ICA1: variants seen among roughly 807,000 people sequenced by gnomAD.
ICA1 encodes islet cell autoantigen 1.
In ICA1, 40 loss-of-function variants were observed where a neutral mutation model predicts 71.0. The observed-to-expected ratio is 0.56, with a 90% CI of 0.44 to 0.73. The LOEUF (loss-of-function observed/expected upper bound fraction) is 0.73, where lower values mean the gene tolerates loss of function less well. ICA1 is among the 30% of genes least tolerant of loss of function. The pLI, the probability that ICA1 is intolerant of heterozygous loss-of-function variation, is 0.00. For synonymous variants in ICA1, 207 were observed against 209.5 expected, an observed-to-expected ratio of 0.99 and a Z score of 0.10; for missense variants, 578 against 576.5, an observed-to-expected ratio of 1.00 and a Z score of -0.03.
At chr7:8,260,438 C>G (rs1317055903) in intron 1 of ICA1, among the ~76,000 whole-genome samples, 3 of 152,132 alleles carry the variant, frequency 2.0e-5, no homozygotes, top group African/African-American at 7.2e-5. Context: ...GTATCTTTAG[C>G]ACTCAATGAT....
intron 13 of ICA1, among the ~76,000 whole-genome samples, chr7:8,115,224 C>G (rs972128329): frequency 6.6e-6 from 1 of 152,082 alleles, no homozygotes; most frequent in Non-Finnish European, 1.5e-5. Context: ...TATATCAAGA[C>G]TAGTGGGTAA....
intron 6 of ICA1, among the ~76,000 whole-genome samples, chr7:8,194,118 C>T (rs1786598349): frequency 6.6e-6 from 1 of 152,110 alleles, no homozygotes; most frequent in Non-Finnish European, 1.5e-5. Context: ...ATATTTCATG[C>T]CTGGAACAGA....
chr7:8,212,906 C>T (rs912971540), intron 6 of ICA1, among the ~76,000 whole-genome samples: 2 of 152,226 alleles, frequency 1.3e-5, no homozygotes, highest in African/African-American at 4.8e-5. Context: ...ATGAGGCTTT[C>T]ATCCAAAGCC....
At chr7:8,137,170 A>T (rs1208646396) in intron 12 of ICA1, among the ~76,000 whole-genome samples, 1 of 152,116 alleles carries the variant, frequency 6.6e-6, no homozygotes, top group African/African-American at 2.4e-5. Context: ...GGGGTTAAGG[A>T]AGAGGAATGA....
At chr7:8,141,227 G>A (rs968347484) in intron 10 of ICA1, among the ~76,000 whole-genome samples, 6 of 152,162 alleles carry the variant, frequency 3.9e-5, no homozygotes, top group East Asian at 3.8e-4. Context: ...ATCTCCCAAC[G>A]CTCTGACCCC....
At chr7:8,126,505 C>T (rs1328472967) in intron 13 of ICA1, among the ~76,000 whole-genome samples, 1 of 151,610 alleles carries the variant, frequency 6.6e-6, no homozygotes, top group Admixed American at 6.6e-5. Context: ...ATAAGACTCC[C>T]AAAGGAAGAT....
chr7:8,240,039 G>A (rs1803240589), intron 1 of ICA1, among the ~76,000 whole-genome samples: 1 of 152,196 alleles, frequency 6.6e-6, no homozygotes, highest in Non-Finnish European at 1.5e-5. Flanking sequence ...GCTCTGAAGA[G>A]AGCAGTGGTT....
intron 6 of ICA1, among the ~76,000 whole-genome samples, chr7:8,178,053 TTC>T (rs1268662763): frequency 1.3e-5 from 2 of 152,242 alleles, no homozygotes; most frequent in East Asian, 3.8e-4. Flanking sequence ...CATCTTTGGC[TTC>T]TTTCACATTC....
intron 4 of ICA1, chr7:8,227,805 C>G (rs761908285): frequency 4.6e-6 from 2 of 434,974 alleles, no homozygotes; most frequent in South Asian, 3.3e-5. Flanking sequence ...AGGCTGGTCT[C>G]AAACTCCTGG....
At chr7:8,195,478 G>A (rs1380978171) in intron 6 of ICA1, among the ~76,000 whole-genome samples, 2 of 152,024 alleles carry the variant, frequency 1.3e-5, no homozygotes, top group African/African-American at 4.8e-5. Flanking sequence ...GGAGGCAGAG[G>A]TTGTAGTGAG....
intron 8 of ICA1, among the ~76,000 whole-genome samples, chr7:8,147,687 A>AAC (rs71014764): frequency 0.015 from 2,248 of 145,362 alleles, 42 homozygotes; most frequent in African/African-American, 0.044. Flanking sequence ...AGCCAAGGGG[A>AAC]ACACACACAC....
chr7:8,198,178 A>G (rs1052579246), intron 6 of ICA1, among the ~76,000 whole-genome samples: 2 of 152,204 alleles, frequency 1.3e-5, no homozygotes, highest in African/African-American at 4.8e-5. Context: ...ACATCCACCC[A>G]TCCTGCGCTG....
chr7:8,153,185 T>C (rs67040045), intron 8 of ICA1, among the ~76,000 whole-genome samples: 21,206 of 152,248 alleles, frequency 0.14, 1,578 homozygotes, highest in African/African-American at 0.19. Context: ...CTTTGTTTTA[T>C]CACAAAACCA....
chr7:8,219,457 C>T (rs931460569), intron 5 of ICA1, among the ~76,000 whole-genome samples: 3 of 152,234 alleles, frequency 2.0e-5, no homozygotes, highest in East Asian at 1.9e-4. Flanking sequence ...CAATGCCTTA[C>T]GTGCGTGTAG....
rs925585069 is a variant in ICA1 at position 8,123,573 on chromosome 7, A to T, written c.1330+4300T>A. On this transcript the variant is annotated intron_variant, in intron 13 of 13. Transcript: ENST00000402384. The surrounding 1 kb of genome is among the most constrained non-coding windows in gnomAD (Gnocchi z 4.1). Reference sequence around the variant, plus strand: ...GTAGCTGCTGGCACACAGGAACAAGATTTCCTAGGACAATCTCAATTTCAA... The same window carrying T: ...GTAGCTGCTGGCACACAGGAACAAGTTTTCCTAGGACAATCTCAATTTCAA... Among the ~76,000 whole-genome samples, 3 of 152,132 alleles carry T rather than the reference A, an allele frequency of 2.0e-5. No individual in the cohort carries two copies. The highest frequency in any genetic ancestry group is 4.4e-5 in the Non-Finnish European group (3 of 68,030).
In ICA1 at chr7:8,144,393, G is replaced by A. The variant is rs1474288974; in HGVS notation, c.805-421C>T. On this transcript the variant is annotated intron_variant, in intron 8 of 13. Coordinates refer to ENST00000402384, the MANE Select transcript of ICA1 (RefSeq NM_001136020.3). The surrounding 1 kb of genome is among the most constrained non-coding windows in gnomAD (Gnocchi z 4.5). ...CTCCCACCTCCACCAGAGATGAGAC[G>A]ATTTCATTTTGTTTTAAATTTTGTT... 6.6e-6 allele frequency among the ~76,000 whole-genome samples: 1 copy of A among 152,160 alleles called. No homozygotes were observed.
Position 8,144,100 on chromosome 7 carries a change from T to C in ICA1, c.805-128A>G, listed in dbSNP as rs943184391. 1.6e-6 allele frequency: 1 copy of C among 626,638 alleles called. No homozygotes were observed. The allele number at this position is 626,638 out of a possible 1,614,324, so 38.8% of individuals were successfully genotyped here. A position where few individuals can be genotyped will look rare whatever the true frequency, so the allele number is the denominator to read the frequency against. On this transcript the variant is annotated intron_variant, in intron 8 of 13. Transcript: ENST00000402384. The surrounding 1 kb of genome is among the most constrained non-coding windows in gnomAD (Gnocchi z 4.5). Reference sequence around the variant, plus strand: ...TTTGTCCCAGCAACCAAACTTTGAATTACAGGTATTGGGAGGTGACCTTGA... The same window carrying C: ...TTTGTCCCAGCAACCAAACTTTGAACTACAGGTATTGGGAGGTGACCTTGA...
chr7:8,211,333 T>C (rs1643399868), intron 6 of ICA1, among the ~76,000 whole-genome samples: 1 of 152,190 alleles, frequency 6.6e-6, no homozygotes, highest in South Asian at 2.1e-4. Flanking sequence ...TCATGCCCTC[T>C]AAAACTCACT....
At chr7:8,239,443 A>C (rs1312795726) in intron 1 of ICA1, among the ~76,000 whole-genome samples, 1 of 152,202 alleles carries the variant, frequency 6.6e-6, no homozygotes, top group African/African-American at 2.4e-5. Context: ...AAGACGGCCG[A>C]ATAGGAATAG....
Sources: gnomAD v4.1 joint callset for allele counts (sites outside exome capture counted in the v4.1 genomes callset) on GRCh38, gnomAD v4.1.1 for gene constraint, Gnocchi (gnomAD v3.1) non-coding constraint, MANE v1.5 for transcripts, NCBI Gene and HGNC (gene_info 2026-07-23, HGNC 2026-07-21) for gene names.